The following ESRRB variants were observed in gnomAD, a reference collection of about 807,000 sequenced individuals.
ESRRB encodes estrogen related receptor beta, also known as steroid hormone receptor ERR2.
Under a neutral mutation model 46.0 loss-of-function variants are expected in ESRRB, and 16 were observed. That is an observed-to-expected ratio of 0.35 (90% CI 0.24 to 0.53). ESRRB has a LOEUF of 0.53. Among genes scored for constraint, ESRRB ranks in the 20% least tolerant of loss-of-function variants. ESRRB has a pLI of 0.93. For synonymous variants in ESRRB, 246 were observed against 259.6 expected, an observed-to-expected ratio of 0.95 and a Z score of 0.50; for missense variants, 488 against 607.4, an observed-to-expected ratio of 0.80 and a Z score of 2.07.
At chr14:76,350,085 C>G (rs2139760004) in intron 1 of ESRRB, among the ~76,000 whole-genome samples, 1 of 152,320 alleles carries the variant, frequency 6.6e-6, no homozygotes, top group South Asian at 2.1e-4. Context: ...TGCTGCCACC[C>G]ACCAACCTGC....
At chr14:76,339,840 A>G (rs1884171343) in intron 1 of ESRRB, among the ~76,000 whole-genome samples, 1 of 152,126 alleles carries the variant, frequency 6.6e-6, no homozygotes, top group South Asian at 2.1e-4. Flanking sequence ...GCACAAAAGG[A>G]CATATTGATT....
rs981693942 is a variant in ESRRB, at chr14:76,491,550, C to T, written c.954C>T (p.Asp318=). The T allele has an allele frequency of 1.9e-6, 3 of 1,593,774 alleles. No homozygotes were observed. The highest frequency in any genetic ancestry group is 1.3e-5 in the African/African-American group (1 of 74,836). Reference sequence around the variant, plus strand: ...TGTACCGCTCGCTGCCCTATGACGACAAGCTGGTGTACGCTGAGGACTACA... The same window carrying T: ...TGTACCGCTCGCTGCCCTATGACGATAAGCTGGTGTACGCTGAGGACTACA... ...GIVYRSLPYD[D]KLVYAEDYIM... is the part of the protein sequence containing the mutation. Residue 318 remains aspartate (D), a synonymous_variant, in exon 6 of 7, where the codon GAC becomes GAT. Coordinates refer to ENST00000644823, the MANE Select transcript of ESRRB (RefSeq NM_001379180.1).
Position 76,500,178 on chromosome 14 carries a change from A to C in ESRRB, c.*1720A>C. ...GGGACGTGCTGAGGTCATCCCAGAC[A>C]GGAGGGAGGGCTGGCTGAAATCCAC... On this transcript the variant is annotated 3_prime_UTR_variant, in exon 7 of 7. Coordinates refer to ENST00000644823, the MANE Select transcript of ESRRB (RefSeq NM_001379180.1). The C allele has an allele frequency of 1.2e-6, 1 of 843,934 alleles. No individual in the cohort carries two copies. Among genetic ancestry groups the C allele is most frequent in the East Asian group, 2.7e-5 (1 of 37,578 alleles). The allele number at this position is 843,934 out of a possible 1,614,324, so 52.3% of individuals were successfully genotyped here. A position where few individuals can be genotyped will look rare whatever the true frequency, so the allele number is the denominator to read the frequency against.
intron 1 of ESRRB, among the ~76,000 whole-genome samples, chr14:76,408,591 C>CAAAA (rs35955826): frequency 4.5e-4 from 19 of 42,146 alleles, no homozygotes; most frequent in African/African-American, 1.8e-3. Flanking sequence ...GACCCTGTCT[C>CAAAA]AAAAAAAAAA....
intron 2 of ESRRB, among the ~76,000 whole-genome samples, chr14:76,445,837 C>T (rs1888123325): frequency 6.6e-6 from 1 of 152,116 alleles, no homozygotes; most frequent in Admixed American, 6.5e-5. Flanking sequence ...AGGCGTGTAC[C>T]ACCACACCCG....
chr14:76,476,688 G>T (rs1365919208), intron 3 of ESRRB, among the ~76,000 whole-genome samples: 4 of 152,206 alleles, frequency 2.6e-5, no homozygotes, highest in African/African-American at 4.8e-5. Context: ...AAGAAGCCTG[G>T]AGATGCGCAG....
In ESRRB at chr14:76,499,593, G is replaced by A. The variant is rs1331643931; in HGVS notation, c.*1135G>A. The A allele has an allele frequency of 9.3e-6, 5 of 535,634 alleles. No individual in the cohort carries two copies. The African/African-American group carries it at 9.5e-5, about 10-fold the overall frequency. 33.2% of individuals were successfully genotyped at this position (535,634 alleles called of 1,614,324 possible). On this transcript the variant is annotated 3_prime_UTR_variant, in exon 7 of 7. Coordinates refer to ENST00000644823, the MANE Select transcript of ESRRB (RefSeq NM_001379180.1). The stretch of plus-strand genomic sequence containing the variant: ...GGGCTAGTGTACCAGTGCCACAGGA[G>A]GGGTGCCCTCCTACCACACTTGGGC...
At chr14:76,356,924 G>T (rs562408922) in intron 1 of ESRRB, among the ~76,000 whole-genome samples, 2 of 152,294 alleles carry the variant, frequency 1.3e-5, no homozygotes, top group South Asian at 2.1e-4. Context: ...AAGGGGCCTT[G>T]TTGGGCCTTT....
At chr14:76,449,427 T>C (rs1379643652) in intron 2 of ESRRB, among the ~76,000 whole-genome samples, 1 of 152,084 alleles carries the variant, frequency 6.6e-6, no homozygotes, top group Non-Finnish European at 1.5e-5. Context: ...GGCACATGCC[T>C]GTAATCCCAG....
intron 3 of ESRRB, among the ~76,000 whole-genome samples, chr14:76,465,986 G>C (rs2139998822): frequency 1.3e-5 from 2 of 152,354 alleles, no homozygotes; most frequent in South Asian, 4.1e-4. Flanking sequence ...GCCAGGTGGG[G>C]GCTCTTGGCA....
chr14:76,348,767 G>T (rs1884279087), intron 1 of ESRRB, among the ~76,000 whole-genome samples: 1 of 152,164 alleles, frequency 6.6e-6, no homozygotes, highest in African/African-American at 2.4e-5. Context: ...GGGGTTTTGG[G>T]GTGCCACCCG....
At chr14:76,481,764 G>A (rs984754712) in intron 3 of ESRRB, among the ~76,000 whole-genome samples, 1 of 152,190 alleles carries the variant, frequency 6.6e-6, no homozygotes, top group Non-Finnish European at 1.5e-5. Context: ...GGTTGCTTGG[G>A]ATGAATTTCA....
At chr14:76,327,945 G>A (rs894090319) in intron 1 of ESRRB, among the ~76,000 whole-genome samples, 3 of 151,626 alleles carry the variant, frequency 2.0e-5, no homozygotes, top group African/African-American at 4.9e-5. Flanking sequence ...AACTCCTGAC[G>A]CCAGGTGATT....
At chr14:76,428,139 C>T (rs139716261) in intron 1 of ESRRB, among the ~76,000 whole-genome samples, 1 of 152,290 alleles carries the variant, frequency 6.6e-6, no homozygotes, top group East Asian at 1.9e-4. Flanking sequence ...GCCAGGATTA[C>T]AGGCATGCAC....
chr14:76,401,872 A>G (rs1269601258), intron 1 of ESRRB, among the ~76,000 whole-genome samples: 1 of 152,206 alleles, frequency 6.6e-6, no homozygotes, highest in East Asian at 1.9e-4. Context: ...TATTATAAGG[A>G]ATTAGCTTAC....
chr14:76,395,948 G>C (rs1202881385), intron 1 of ESRRB, among the ~76,000 whole-genome samples: 1 of 152,114 alleles, frequency 6.6e-6, no homozygotes, highest in Admixed American at 6.5e-5. Context: ...GCTGAGGCAA[G>C]TGGACCACAA....
intron 3 of ESRRB, among the ~76,000 whole-genome samples, chr14:76,475,160 G>A (rs1197138382): frequency 6.6e-6 from 1 of 152,062 alleles, no homozygotes; most frequent in Admixed American, 6.6e-5. Context: ...CTTGAGGCTG[G>A]GAGGTCAAGG....
intron 1 of ESRRB, among the ~76,000 whole-genome samples, chr14:76,342,132 C>A (rs578097809): frequency 1.3e-5 from 2 of 152,224 alleles, no homozygotes; most frequent in African/African-American, 4.8e-5. Flanking sequence ...GACATCAGAG[C>A]GTATTTGGGG....
At position 76,415,275 on chromosome 14, in the gene ESRRB, T is replaced by C. The variant is rs118119128; in HGVS notation, c.51-24066T>C. On this transcript the variant is annotated intron_variant, in intron 1 of 6. Transcript: ENST00000644823. ...AAGACAAAATACCTTGTACAAACTT[T>C]AGGGGTGTGGAGAGTGAACTTTATA... Among the ~76,000 whole-genome samples, 1,214 of 152,334 alleles carry C rather than the reference T, an allele frequency of 8.0e-3. 12 individuals carry two copies. The highest frequency in any genetic ancestry group is 0.012 in the Non-Finnish European group (812 of 68,030).
Sources: allele counts gnomAD v4.1 joint callset (sites outside exome capture counted in the v4.1 genomes callset), GRCh38; gene constraint gnomAD v4.1.1; transcripts MANE v1.5; gene names NCBI Gene and HGNC (gene_info 2026-07-23, HGNC 2026-07-21).